The following SLC1A6 variants were observed in gnomAD, a reference collection of about 807,000 sequenced individuals.
The protein encoded by SLC1A6 is excitatory amino acid transporter 4.
In SLC1A6, 15 loss-of-function variants were observed where a neutral mutation model predicts 42.1. The ratio of observed to expected loss-of-function variants is 0.36; its 90% CI spans 0.24 to 0.55. The LOEUF (loss-of-function observed/expected upper bound fraction) is 0.55, where lower values mean the gene tolerates loss of function less well. Among genes scored for constraint, SLC1A6 ranks in the 20% least tolerant of loss-of-function variants. The pLI is 0.88. For synonymous variants in SLC1A6, 317 were observed against 319.7 expected, an observed-to-expected ratio of 0.99 and a Z score of 0.09; for missense variants, 542 against 772.5, an observed-to-expected ratio of 0.70 and a Z score of 3.54.
At chr19:14,996,588 C>CTTCTTCTTCT (rs1555710449) in intron 1 of SLC1A6, among the ~76,000 whole-genome samples, 38 of 150,492 alleles carry the variant, frequency 2.5e-4, no homozygotes, top group South Asian at 6.3e-4. Context: ...TCTTCTTCCT[C>CTTCTTCTTCT]TCATTGTACC....
rs1052221213 is a variant in SLC1A6, at chr19:14,956,604, G to A, written c.1041C>T (p.Ile347=). 2.1e-5 allele frequency: 34 copies of A among 1,613,742 alleles called. No homozygotes were observed. The highest frequency in any genetic ancestry group is 2.6e-5 in the Non-Finnish European group (31 of 1,179,878). ...GQLGMYTLTV[I]VGLFLHAGIV... ...TGCCGGCATGGAGGAACAGGCCCAC[G>A]ATGACGGTCAGGGTGTACATGCCCA... Residue 347 remains isoleucine (I), a synonymous_variant, in exon 7 of 10, where the codon ATC becomes ATT. Coordinates refer to ENST00000594383, the MANE Select transcript of SLC1A6 (RefSeq NM_005071.3).
At chr19:14,961,159 G>C (rs2045507665) in intron 6 of SLC1A6, among the ~76,000 whole-genome samples, 1 of 151,716 alleles carries the variant, frequency 6.6e-6, no homozygotes, top group Non-Finnish European at 1.5e-5. Context: ...CTCCCACCTT[G>C]GCCTCCCAAA....
chr19:14,968,189 C>CCGT, intron 4 of SLC1A6, 114 bp downstream of exon 4: 4 of 856,204 alleles, frequency 4.7e-6, no homozygotes, highest in Non-Finnish European at 7.2e-6. Flanking sequence ...CTGCTCTTGA[C>CCGT]CGGACGCATG....
chr19:14,965,682 T>A (rs1172348710), intron 4 of SLC1A6, among the ~76,000 whole-genome samples: 1 of 151,874 alleles, frequency 6.6e-6, no homozygotes. Flanking sequence ...AAACGCTGTC[T>A]CTACTAAAAA....
Position 14,965,677 on chromosome 19 carries a change from C to T in SLC1A6, c.549-1316G>A, listed in dbSNP as rs190516857. Among the ~76,000 whole-genome samples, 570 of 152,114 alleles carry T rather than the reference C, an allele frequency of 3.7e-3. 3 individuals carry two copies. The highest frequency in any genetic ancestry group is 9.6e-3 in the South Asian group (46 of 4,814). On this transcript the variant is annotated intron_variant, in intron 4 of 9. Transcript: ENST00000594383. ...CCAGCCTGGCCAACATGATGAAACG[C>T]TGTCTCTACTAAAAATACAAAAATT...
chr19:14,975,769 A>G (rs2045698938), intron 1 of SLC1A6, among the ~76,000 whole-genome samples: 1 of 13,152 alleles, frequency 7.6e-5, no homozygotes, highest in African/African-American at 4.4e-4. Context: ...AAAAAAAGGA[A>G]AAAAAAAAAA....
intron 6 of SLC1A6, among the ~76,000 whole-genome samples, chr19:14,960,728 A>C (rs1248508944): frequency 6.6e-6 from 1 of 152,132 alleles, no homozygotes; most frequent in African/African-American, 2.4e-5. Flanking sequence ...AATCAAACTC[A>C]CAGAAGCAGG....
chr19:14,959,804 A>G (rs896101014), intron 6 of SLC1A6, among the ~76,000 whole-genome samples: 2 of 152,194 alleles, frequency 1.3e-5, no homozygotes, highest in Non-Finnish European at 2.9e-5. Context: ...CTCACCTGTC[A>G]AGACGCAGTT....
At chr19:15,000,976 T>G (rs1357413164) in intron 1 of SLC1A6, among the ~76,000 whole-genome samples, 2 of 152,156 alleles carry the variant, frequency 1.3e-5, no homozygotes, top group Non-Finnish European at 2.9e-5. Context: ...CCCACCTAAT[T>G]TGGGTTATCC....
intron 4 of SLC1A6, among the ~76,000 whole-genome samples, chr19:14,965,225 T>G (rs1008369353): frequency 6.6e-6 from 1 of 151,970 alleles, no homozygotes; most frequent in African/African-American, 2.4e-5. Context: ...TTCACCATGT[T>G]AGGCAGGATG....
At chr19:15,007,580 A>G (rs954244227) in intron 1 of SLC1A6, among the ~76,000 whole-genome samples, 2 of 152,138 alleles carry the variant, frequency 1.3e-5, no homozygotes, top group South Asian at 2.1e-4. Flanking sequence ...AGATGATCAT[A>G]GCATGTGATT....
intron 5 of SLC1A6, 144 bp from the exon 6 acceptor site, chr19:14,962,489 G>A (rs907751101): frequency 1.3e-5 from 8 of 628,922 alleles, no homozygotes; most frequent in East Asian, 8.0e-5. Flanking sequence ...ACTCATTATC[G>A]ACTATCACTC....
At chr19:14,957,979 A>G (rs752782697) in intron 6 of SLC1A6, among the ~76,000 whole-genome samples, 5 of 152,182 alleles carry the variant, frequency 3.3e-5, no homozygotes, top group Non-Finnish European at 7.3e-5. Flanking sequence ...GAGAATAGAG[A>G]AGATGAAAGA....
At chr19:14,995,230 T>G (rs1311001320) in intron 1 of SLC1A6, among the ~76,000 whole-genome samples, 1 of 140,034 alleles carries the variant, frequency 7.1e-6, no homozygotes, top group Non-Finnish European at 1.5e-5. Flanking sequence ...GAGGCTGAGG[T>G]AGGAGAATTG....
chr19:14,961,068 C>A (rs1012765175), intron 6 of SLC1A6, among the ~76,000 whole-genome samples: 1 of 100,218 alleles, frequency 1.0e-5, no homozygotes, highest in African/African-American at 4.5e-5. Flanking sequence ...CATGCCACCA[C>A]ACCCAGCTAA....
chr19:14,955,154 CATAAG>C (rs1361906580), intron 7 of SLC1A6, among the ~76,000 whole-genome samples: 1 of 152,172 alleles, frequency 6.6e-6, no homozygotes, highest in Admixed American at 6.5e-5. Context: ...ATCCTGGACT[CATAAG>C]AGAGTCTCTG....
At chr19:15,009,879 G>T (rs547544393) in intron 1 of SLC1A6, among the ~76,000 whole-genome samples, 1 of 152,088 alleles carries the variant, frequency 6.6e-6, no homozygotes, top group Non-Finnish European at 1.5e-5. Flanking sequence ...ATGAAGACAC[G>T]AAAGAAAATG....
intron 1 of SLC1A6, among the ~76,000 whole-genome samples, chr19:15,002,769 T>C (rs1203160495): frequency 6.6e-6 from 1 of 152,026 alleles, no homozygotes; most frequent in Admixed American, 6.6e-5. Context: ...GGGGAGGGGA[T>C]TCAAGTCACA....
intron 1 of SLC1A6, among the ~76,000 whole-genome samples, chr19:15,001,506 T>C (rs2045872363): frequency 6.6e-6 from 1 of 152,174 alleles, no homozygotes; most frequent in Non-Finnish European, 1.5e-5. Context: ...TTATGATCTT[T>C]GGACAGAGAG....
Sources: allele counts gnomAD v4.1 joint callset (sites outside exome capture counted in the v4.1 genomes callset), GRCh38; gene constraint gnomAD v4.1.1; transcripts MANE v1.5; gene names NCBI Gene and HGNC (gene_info 2026-07-23, HGNC 2026-07-21).